GALNT17: variants seen among roughly 807,000 people sequenced by gnomAD.
GALNT17 encodes polypeptide N-acetylgalactosaminyltransferase 17.
Under a neutral mutation model 63.7 loss-of-function variants are expected in GALNT17, and 29 were observed. That is an observed-to-expected ratio of 0.46 (90% CI 0.34 to 0.62). The LOEUF is 0.62. Ranked by LOEUF, GALNT17 falls within the 20% of genes least tolerant of loss-of-function variation. The pLI is 0.01. For missense variants in GALNT17, 603 were observed against 799.6 expected (o/e 0.75, Z 2.97); for synonymous variants, 305 against 318.3 (o/e 0.96, Z 0.45).
Position 71,247,744 on chromosome 7 carries a change from A to G in GALNT17, c.239-87806A>G, listed in dbSNP as rs530452226. Among the ~76,000 whole-genome samples the G allele has an allele frequency of 9.2e-5, 14 of 152,328 alleles. No homozygotes were observed. The South Asian group carries it at 2.9e-3, about 32-fold the overall frequency. ...AGTGCTGCGATTACAGGCATGAGCCACTGCACCTGGCCAAAGAGTCTACTG... is the reference window on the plus strand; with the variant it reads ...AGTGCTGCGATTACAGGCATGAGCCGCTGCACCTGGCCAAAGAGTCTACTG... On this transcript the variant is annotated intron_variant, in intron 1 of 10. Coordinates refer to ENST00000333538, the MANE Select transcript of GALNT17 (RefSeq NM_022479.3).
intron 1 of GALNT17, among the ~76,000 whole-genome samples, chr7:71,223,505 A>G (rs1472682844): frequency 1.3e-5 from 2 of 149,542 alleles, no homozygotes; most frequent in Non-Finnish European, 3.0e-5. Context: ...TTTTGACATG[A>G]CCCCATAATC....
intron 1 of GALNT17, among the ~76,000 whole-genome samples, chr7:71,257,597 G>A (rs149293879): frequency 9.2e-5 from 14 of 152,300 alleles, no homozygotes; most frequent in African/African-American, 3.4e-4. Flanking sequence ...ATTATTTATG[G>A]TTTTAGTGTG....
chr7:71,221,322 A>G (rs149191499), intron 1 of GALNT17, among the ~76,000 whole-genome samples: 26 of 149,928 alleles, frequency 1.7e-4, no homozygotes, highest in African/African-American at 5.9e-4. Context: ...TCTTTATCCA[A>G]TCTGTCATTG....
At chr7:71,582,380 C>T (rs1220081653) in intron 6 of GALNT17, among the ~76,000 whole-genome samples, 2 of 150,282 alleles carry the variant, frequency 1.3e-5, no homozygotes, top group Non-Finnish European at 1.5e-5. Context: ...GGAGATCATC[C>T]TGGCCAACAT....
At chr7:71,197,979 C>T (rs768295225) in intron 1 of GALNT17, among the ~76,000 whole-genome samples, 3 of 151,890 alleles carry the variant, frequency 2.0e-5, no homozygotes, top group Non-Finnish European at 2.9e-5. Flanking sequence ...GGGCGGATCA[C>T]CAGAGGTTGG....
In GALNT17 at chr7:71,640,554, A is replaced by G. The variant is rs1040313954; in HGVS notation, c.1081-24857A>G. 5.3e-5 allele frequency among the ~76,000 whole-genome samples: 8 copies of G among 152,310 alleles called. No homozygotes were observed. The South Asian group carries it at 6.2e-4, about 12-fold the overall frequency. On this transcript the variant is annotated intron_variant, in intron 6 of 10. Transcript: ENST00000333538. ...TTCTAGTTGTTGTGGCTATCTTGAA[A>G]TACTTAAATATCCTCTTGACTACTC...
intron 6 of GALNT17, among the ~76,000 whole-genome samples, chr7:71,646,749 T>TC (rs962073120): frequency 6.8e-6 from 1 of 146,956 alleles, no homozygotes; most frequent in African/African-American, 2.5e-5. Flanking sequence ...CAAGTTTCCT[T>TC]TTTTTTTTTT....
chr7:71,174,472 A>G (rs538239268), intron 1 of GALNT17, among the ~76,000 whole-genome samples: 1 of 152,124 alleles, frequency 6.6e-6, no homozygotes, highest in Non-Finnish European at 1.5e-5. Flanking sequence ...GTGTGAAGAG[A>G]CCACTAAACA....
chr7:71,457,630 C>T (rs1175955674), intron 5 of GALNT17, among the ~76,000 whole-genome samples: 5 of 152,152 alleles, frequency 3.3e-5, no homozygotes, highest in Admixed American at 3.3e-4. Context: ...GGGTAATTTG[C>T]TGTCATTACC....
rs1276766705 is a variant in GALNT17, at chr7:71,224,067, T to C, written c.238+91027T>C. On this transcript the variant is annotated intron_variant, in intron 1 of 10. Transcript: ENST00000333538. The stretch of plus-strand genomic sequence containing the variant: ...GCAGGTGTTCAATACATTTTTATTT[T>C]TATTTTTATTGTTTTTTATGTCTGT... Among the ~76,000 whole-genome samples, 3 of 152,184 alleles carry C rather than the reference T, an allele frequency of 2.0e-5. No individual in the cohort carries two copies. In the East Asian group the frequency reaches 5.8e-4, roughly 29 times the overall value.
At chr7:71,193,277 T>C (rs2116344285) in intron 1 of GALNT17, among the ~76,000 whole-genome samples, 1 of 151,720 alleles carries the variant, frequency 6.6e-6, no homozygotes, top group East Asian at 2.0e-4. Flanking sequence ...TTTTAAATTG[T>C]TTTGTAGAGG....
intron 9 of GALNT17, among the ~76,000 whole-genome samples, chr7:71,703,381 G>A (rs544188469): frequency 1.3e-5 from 2 of 152,262 alleles, no homozygotes; most frequent in East Asian, 3.9e-4. Flanking sequence ...GGGCAAGAGT[G>A]GGAAAAAGAG....
intron 9 of GALNT17, among the ~76,000 whole-genome samples, chr7:71,691,346 G>C (rs1011965775): frequency 6.6e-6 from 1 of 152,184 alleles, no homozygotes; most frequent in African/African-American, 2.4e-5. Context: ...GCATGCTATT[G>C]CACACTTAAT....
rs544111429 is a variant in GALNT17 at position 71,568,539 on chromosome 7, A to T, written c.963-2746A>T. ...CTTAAACATCTTTATCTCCATGTGTACCCAATGTTTAGCTCCAAATTACAA... is the reference window on the plus strand; with the variant it reads ...CTTAAACATCTTTATCTCCATGTGTTCCCAATGTTTAGCTCCAAATTACAA... On this transcript the variant is annotated intron_variant, in intron 5 of 10. Transcript: ENST00000333538. Among the ~76,000 whole-genome samples, 5 of 152,304 alleles carry T rather than the reference A, an allele frequency of 3.3e-5. No homozygotes were observed. The South Asian group carries it at 1.0e-3, about 32-fold the overall frequency.
chr7:71,462,491 A>G (rs1450254434), intron 5 of GALNT17, among the ~76,000 whole-genome samples: 2 of 152,194 alleles, frequency 1.3e-5, no homozygotes, highest in Admixed American at 6.5e-5. Context: ...TTATTTTGCC[A>G]GGGTTGAGGA....
At chr7:71,535,286 T>C (rs1000414608) in intron 5 of GALNT17, among the ~76,000 whole-genome samples, 7 of 152,182 alleles carry the variant, frequency 4.6e-5, no homozygotes, top group Non-Finnish European at 1.0e-4. Flanking sequence ...CTTGTGATGA[T>C]GAGAAATTTT....
intron 6 of GALNT17, among the ~76,000 whole-genome samples, chr7:71,612,605 G>A (rs931873388): frequency 4.6e-5 from 7 of 152,274 alleles, no homozygotes; most frequent in Non-Finnish European, 5.9e-5. Flanking sequence ...TTGCTTGATA[G>A]GATGAGAACC....
intron 5 of GALNT17, among the ~76,000 whole-genome samples, chr7:71,508,641 G>A (rs1178816674): frequency 6.6e-6 from 1 of 152,058 alleles, no homozygotes; most frequent in African/African-American, 2.4e-5. Flanking sequence ...GCAGGTCCTC[G>A]CCGGCACCAG....
rs11409175 is a variant in GALNT17, at chr7:71,512,014, CT to C, written c.963-59254del. Among the ~76,000 whole-genome samples, 777 of 131,442 alleles carry C rather than the reference CT, an allele frequency of 5.9e-3. 4 individuals carry two copies. Among genetic ancestry groups the C allele is most frequent in the Non-Finnish European group, 8.9e-3 (568 of 63,568 alleles). 86.2% of individuals were successfully genotyped at this position (131,442 alleles called of 152,430 possible). ...TCAATGTACTAATTTGGGTTCCAGC[CT>C]TTTTTTTTTTTTTTTTGAGACAGAG... is the stretch of plus-strand genomic sequence containing the variant. On this transcript the variant is annotated intron_variant, in intron 5 of 10. Transcript: ENST00000333538.
Sources: gnomAD v4.1 joint callset for allele counts (sites outside exome capture counted in the v4.1 genomes callset) on GRCh38, gnomAD v4.1.1 for gene constraint, MANE v1.5 for transcripts, NCBI Gene and HGNC (gene_info 2026-07-23, HGNC 2026-07-21) for gene names.